SIAH3: variants seen among roughly 807,000 people sequenced by gnomAD.
The protein encoded by SIAH3 is siah E3 ubiquitin protein ligase family member 3, also known as seven in absentia homolog 3.
In SIAH3, 9 loss-of-function variants were observed where a neutral mutation model predicts 12.6. The ratio of observed to expected loss-of-function variants is 0.72; its 90% CI spans 0.43 to 1.25. The LOEUF (loss-of-function observed/expected upper bound fraction) is 1.25. Ranked by LOEUF, SIAH3 falls within the 50% of genes most tolerant of loss-of-function variation. The pLI is 0.00. For missense variants in SIAH3, 390 were observed against 365.4 expected (o/e 1.07, Z -0.55); for synonymous variants, 154 against 151.1 (o/e 1.02, Z -0.14).
chr13:45,819,083 G>A (rs1950645568), intron 1 of SIAH3, among the ~76,000 whole-genome samples: 1 of 152,102 alleles, frequency 6.6e-6, no homozygotes, highest in Non-Finnish European at 1.5e-5. Flanking sequence ...TCTGGCTGCA[G>A]TGTGCTTGTG....
chr13:45,843,254 C>T (rs570655537), intron 1 of SIAH3, among the ~76,000 whole-genome samples: 6 of 152,096 alleles, frequency 3.9e-5, no homozygotes, highest in South Asian at 2.1e-4. Context: ...CAAGGTGCAA[C>T]GAACTGCAGG....
At chr13:45,814,238 CAAAAAAAAAA>C (rs56377017) in intron 1 of SIAH3, among the ~76,000 whole-genome samples, 1 of 72,708 alleles carries the variant, frequency 1.4e-5, no homozygotes, top group Non-Finnish European at 2.5e-5. Context: ...GACTCTGTCT[CAAAAAAAAAA>C]AAAAAAAAAA....
chr13:45,783,982 G>T lies in SIAH3; in HGVS notation c.211C>A (p.His71Asn). ...TGGTGGTGGCGGTGGTGGCAGTGGTGGTGGGAGAGATGGTGAGGGTGGAAG... is the reference window on the plus strand; with the variant it reads ...TGGTGGTGGCGGTGGTGGCAGTGGTTGTGGGAGAGATGGTGAGGGTGGAAG... ...GSFHPHHLSHHHCHHRHHHHL... is the reference protein window; with the variant it reads ...GSFHPHHLSHNHCHHRHHHHL... Residue 71 changes from histidine (H) to asparagine (N), a missense_variant, in exon 2 of 2, where the codon CAC becomes AAC. By Grantham distance (68) the His-to-Asn change is moderately conservative (BLOSUM62 1). Coordinates refer to ENST00000400405, the MANE Select transcript of SIAH3 (RefSeq NM_198849.3). 6.2e-7 allele frequency: 1 copy of T among 1,606,464 alleles called. No individual in the cohort carries two copies. The highest frequency in any genetic ancestry group is 8.5e-7 in the Non-Finnish European group (1 of 1,176,472).
chr13:45,813,543 G>A (rs984044441), intron 1 of SIAH3, among the ~76,000 whole-genome samples: 2 of 152,210 alleles, frequency 1.3e-5, no homozygotes, highest in Non-Finnish European at 2.9e-5. Flanking sequence ...TATAGGCTCA[G>A]GGGCTTAAAC....
chr13:45,790,292 AC>A (rs1208984029), intron 1 of SIAH3, among the ~76,000 whole-genome samples: 1 of 152,192 alleles, frequency 6.6e-6, no homozygotes, highest in Non-Finnish European at 1.5e-5. Context: ...TGAAAAGATG[AC>A]AACTTTGTGA....
chr13:45,849,581 G>A (rs1950772409), intron 1 of SIAH3, among the ~76,000 whole-genome samples: 1 of 152,156 alleles, frequency 6.6e-6, no homozygotes, highest in African/African-American at 2.4e-5. Flanking sequence ...TCAAAGAGGT[G>A]GAGGAGGAGT....
chr13:45,836,566 T>C (rs1169614450), intron 1 of SIAH3, among the ~76,000 whole-genome samples: 2 of 152,114 alleles, frequency 1.3e-5, no homozygotes, highest in Non-Finnish European at 2.9e-5. Flanking sequence ...GAGCTGATTA[T>C]TGAGGAGAAC....
chr13:45,784,732 C>T (rs988204481), intron 1 of SIAH3, among the ~76,000 whole-genome samples: 2 of 152,196 alleles, frequency 1.3e-5, no homozygotes, highest in Non-Finnish European at 2.9e-5. Context: ...AGGGCAGCTT[C>T]CCAGAGCCTC....
chr13:45,786,578 T>C (rs887930888), intron 1 of SIAH3, among the ~76,000 whole-genome samples: 5 of 152,196 alleles, frequency 3.3e-5, no homozygotes, highest in African/African-American at 1.2e-4. Flanking sequence ...AAAATATTTA[T>C]CTCAAGGGCA....
At chr13:45,835,658 G>A (rs1467205895) in intron 1 of SIAH3, among the ~76,000 whole-genome samples, 2 of 152,188 alleles carry the variant, frequency 1.3e-5, no homozygotes, top group Non-Finnish European at 2.9e-5. Flanking sequence ...CCCAGGTAGT[G>A]TGACTCCAGA....
At chr13:45,814,508 C>T (rs922894652) in intron 1 of SIAH3, among the ~76,000 whole-genome samples, 1 of 151,952 alleles carries the variant, frequency 6.6e-6, no homozygotes, top group Non-Finnish European at 1.5e-5. Context: ...GCTGGGCAGG[C>T]AAAGATGAAC....
chr13:45,793,680 C>T (rs937922545), intron 1 of SIAH3, among the ~76,000 whole-genome samples: 5 of 148,790 alleles, frequency 3.4e-5, no homozygotes, highest in South Asian at 2.2e-4. Context: ...ACAATTCAAC[C>T]GCTTCTCTTC....
At chr13:45,800,001 A>G (rs1481010046) in intron 1 of SIAH3, among the ~76,000 whole-genome samples, 2 of 152,254 alleles carry the variant, frequency 1.3e-5, no homozygotes, top group Non-Finnish European at 2.9e-5. Context: ...TAGCACAGAT[A>G]ACTATGGGTT....
intron 1 of SIAH3, among the ~76,000 whole-genome samples, chr13:45,818,607 G>T (rs1361922487): frequency 6.6e-6 from 1 of 152,242 alleles, no homozygotes; most frequent in Non-Finnish European, 1.5e-5. Context: ...TCCTTGGCTT[G>T]TGGCTGCATC....
intron 1 of SIAH3, among the ~76,000 whole-genome samples, chr13:45,829,893 G>A (rs147214707): frequency 9.2e-4 from 140 of 152,258 alleles, no homozygotes; most frequent in African/African-American, 3.2e-3. Context: ...CACCCCAGGA[G>A]CCTTCTGTCC....
At chr13:45,805,128 A>G (rs1409485114) in intron 1 of SIAH3, among the ~76,000 whole-genome samples, 1 of 152,008 alleles carries the variant, frequency 6.6e-6, no homozygotes, top group Non-Finnish European at 1.5e-5. Context: ...CCTATGCCCA[A>G]TATTGTCAAA....
intron 1 of SIAH3, among the ~76,000 whole-genome samples, chr13:45,819,861 C>T (rs1016711462): frequency 2.0e-5 from 3 of 152,176 alleles, no homozygotes; most frequent in Admixed American, 2.0e-4. Flanking sequence ...AACAGAATGC[C>T]AGAGGCTGGG....
At chr13:45,806,505 G>A (rs1048321908) in intron 1 of SIAH3, among the ~76,000 whole-genome samples, 1 of 152,148 alleles carries the variant, frequency 6.6e-6, no homozygotes, top group East Asian at 1.9e-4. Context: ...TTACAACAGG[G>A]AGCTAAACAT....
At chr13:45,832,377 C>T (rs1239624229) in intron 1 of SIAH3, among the ~76,000 whole-genome samples, 1 of 152,194 alleles carries the variant, frequency 6.6e-6, no homozygotes, top group African/African-American at 2.4e-5. Context: ...TCCCTGGTAA[C>T]CTGTAATCTA....
Sources: allele counts gnomAD v4.1 joint callset (sites outside exome capture counted in the v4.1 genomes callset), GRCh38; gene constraint gnomAD v4.1.1; transcripts MANE v1.5; gene names NCBI Gene and HGNC (gene_info 2026-07-23, HGNC 2026-07-21).